Variants in CHST10 observed in about 807,000 individuals in gnomAD.
The protein encoded by CHST10 is HNK-1 sulfotransferase.
CHST10 carries 24 observed loss-of-function variants against 34.7 expected under a neutral mutation model. That is an observed-to-expected ratio of 0.69 (90% CI 0.50 to 0.97). CHST10 has a LOEUF of 0.97. Ranked by LOEUF, CHST10 falls within the 50% of genes least tolerant of loss-of-function variation. CHST10 has a pLI of 0.00. For synonymous variants in CHST10, 161 were observed against 169.3 expected (o/e 0.95, Z 0.38); for missense variants, 402 against 452.1 (o/e 0.89, Z 1.00).
intron 4 of CHST10, among the ~76,000 whole-genome samples, chr2:100,401,051 C>T (rs1675317805): frequency 6.6e-6 from 1 of 152,240 alleles, no homozygotes; most frequent in Non-Finnish European, 1.5e-5. Flanking sequence ...TGAGAAGACA[C>T]ATGCTGAGTT....
chr2:100,406,037 G>A (rs6733677), intron 3 of CHST10, among the ~76,000 whole-genome samples: 5,840 of 152,254 alleles, frequency 0.038, 363 homozygotes, highest in African/African-American at 0.13. Flanking sequence ...CCAATTTGGC[G>A]CTCTTTATCC....
intron 5 of CHST10, among the ~76,000 whole-genome samples, chr2:100,396,170 C>G (rs1675049619): frequency 6.6e-6 from 1 of 152,176 alleles, no homozygotes; most frequent in South Asian, 2.1e-4. Flanking sequence ...AGAGCAAAGA[C>G]CTTTTGATGC....
At chr2:100,403,150 T>C (rs1424943610) in intron 3 of CHST10, among the ~76,000 whole-genome samples, 1 of 152,166 alleles carries the variant, frequency 6.6e-6, no homozygotes, top group Non-Finnish European at 1.5e-5. Flanking sequence ...GACATTTCAC[T>C]GGAGAGTATC....
At chr2:100,416,974 T>C in intron 1 of CHST10, 1 of 1,304,156 alleles carries the variant, frequency 7.7e-7, no homozygotes, top group African/African-American at 1.5e-5. Context: ...TTCCCACCCC[T>C]GACTCCCCTC....
intron 2 of CHST10, among the ~76,000 whole-genome samples, chr2:100,411,255 T>C (rs1675824225): frequency 6.6e-6 from 1 of 152,024 alleles, no homozygotes; most frequent in Admixed American, 6.6e-5. Flanking sequence ...TGGCTGTGAT[T>C]ACAGGCACGC....
chr2:100,417,278 C>G, intron 1 of CHST10, 96 bp downstream of exon 1: 3 of 351,020 alleles, frequency 8.5e-6, no homozygotes, highest in South Asian at 4.3e-5. Flanking sequence ...CTCGCCAGGA[C>G]AAAACCCGCG....
chr2:100,400,103 A>G lies in CHST10; in HGVS notation c.193-1961T>C, dbSNP rs185196827. Among the ~76,000 whole-genome samples the G allele has an allele frequency of 1.1e-4, 16 of 152,350 alleles. 1 individual carries two copies. The East Asian group carries it at 2.5e-3, about 24-fold the overall frequency. On this transcript the variant is annotated intron_variant, in intron 4 of 6. Transcript: ENST00000264249. ...CCCTGATCATGGATGGCACTCAAGA[A>G]CAGCGCATCAGGAGAGAGCACCTCC...
chr2:100,415,143 T>C, intron 1 of CHST10, 32 bp from the exon 2 acceptor site: 1 of 1,177,506 alleles, frequency 8.5e-7, no homozygotes, highest in Non-Finnish European at 1.1e-6. Flanking sequence ...AAAAAAGCAT[T>C]ATTAAAAGTT....
chr2:100,404,438 T>C (rs1344329509), intron 3 of CHST10, among the ~76,000 whole-genome samples: 1 of 152,182 alleles, frequency 6.6e-6, no homozygotes, highest in Non-Finnish European at 1.5e-5. Context: ...ACCGCTGCGG[T>C]GCTCCTCTCC....
chr2:100,393,538 T>C lies in CHST10; in HGVS notation c.778A>G (p.Ile260Val). The stretch of plus-strand genomic sequence containing the variant: ...TCTACATACGTCACCCAGTGAATGA[T>C]GTGGTCCCCAAACTGAAGGTCTAGC... The part of the protein sequence containing the change: ...RWLDLQFGDH[I>V]IHWVTYVELC... The change falls in exon 7 of 7, where the codon ATC becomes GTC. Residue 260 changes from isoleucine to valine, a missense_variant. Ile to Val is a conservative substitution (Grantham distance 29, BLOSUM62 3). Coordinates refer to ENST00000264249, the MANE Select transcript of CHST10 (RefSeq NM_004854.5). The C allele has an allele frequency of 6.2e-7, 1 of 1,614,094 alleles. No homozygotes were observed. Among genetic ancestry groups the C allele is most frequent in the Non-Finnish European group, 8.5e-7 (1 of 1,180,014 alleles).
chr2:100,410,912 A>G (rs1295948192), intron 2 of CHST10, among the ~76,000 whole-genome samples: 1 of 152,182 alleles, frequency 6.6e-6, no homozygotes, highest in Non-Finnish European at 1.5e-5. Flanking sequence ...ATATACCAGT[A>G]AACAAAAAAG....
At chr2:100,399,144 C>A (rs1675217228) in intron 4 of CHST10, among the ~76,000 whole-genome samples, 1 of 151,840 alleles carries the variant, frequency 6.6e-6, no homozygotes, top group South Asian at 2.1e-4. Context: ...CGTTCTGTGG[C>A]CCAGGCTGGA....
Position 100,393,494 on chromosome 2 carries a change from C to A in CHST10, c.822G>T (p.Glu274Asp). 1 of 1,614,104 alleles carries A rather than the reference C, an allele frequency of 6.2e-7. No homozygotes were observed. Among genetic ancestry groups the A allele is most frequent in the Non-Finnish European group, 8.5e-7 (1 of 1,180,028 alleles). The change falls in exon 7 of 7, where the codon GAG becomes GAT. Residue 274 changes from glutamate (E) to aspartate (D), a missense_variant. Coordinates refer to ENST00000264249, the MANE Select transcript of CHST10 (RefSeq NM_004854.5). ...GGTGTCCAATCACACTGTACATTAT[C>A]TCACAGGGAGCACAGAGCTCTACAT... Reference protein sequence around the residue: ...VTYVELCAPCEIMYSVIGHHE... With the variant: ...VTYVELCAPCDIMYSVIGHHE...
At chr2:100,413,061 G>C (rs766569574) in intron 2 of CHST10, among the ~76,000 whole-genome samples, 82 of 152,264 alleles carry the variant, frequency 5.4e-4, no homozygotes, top group South Asian at 1.0e-3. Context: ...ATCTGAGGAT[G>C]ACACCACCAA....
intron 3 of CHST10, among the ~76,000 whole-genome samples, chr2:100,404,226 G>T (rs568410678): frequency 2.6e-5 from 4 of 152,300 alleles, no homozygotes; most frequent in African/African-American, 9.6e-5. Flanking sequence ...CACAACAGAA[G>T]ATTCTCACTG....
chr2:100,409,958 T>G (rs1675755102), intron 2 of CHST10, among the ~76,000 whole-genome samples: 1 of 152,184 alleles, frequency 6.6e-6, no homozygotes, highest in Non-Finnish European at 1.5e-5. Flanking sequence ...TTTCCCTGCT[T>G]CTTGTCCCCG....
intron 2 of CHST10, among the ~76,000 whole-genome samples, chr2:100,406,916 T>G (rs189705151): frequency 1.8e-3 from 274 of 152,338 alleles, no homozygotes; most frequent in African/African-American, 6.3e-3. Flanking sequence ...AAATCAAATT[T>G]AGAACACCCT....
intron 2 of CHST10, among the ~76,000 whole-genome samples, chr2:100,412,124 A>G (rs1675868533): frequency 6.6e-6 from 1 of 152,220 alleles, no homozygotes; most frequent in African/African-American, 2.4e-5. Flanking sequence ...CTTCAGCAGC[A>G]GAGTCAGAGG....
chr2:100,394,612 C>T lies in CHST10; in HGVS notation c.534-830G>A, dbSNP rs1201341286. Among the ~76,000 whole-genome samples the T allele has an allele frequency of 2.0e-5, 3 of 152,194 alleles. No individual in the cohort carries two copies. The East Asian group carries it at 5.8e-4, about 29-fold the overall frequency. On this transcript the variant is annotated intron_variant, in intron 6 of 6. Transcript: ENST00000264249. Reference sequence around the variant, plus strand: ...CCAGGAGGCAAAATCCAGCTGGTGACCTGACGTGAGCCGCTGCTTTTGCAT... The same window carrying T: ...CCAGGAGGCAAAATCCAGCTGGTGATCTGACGTGAGCCGCTGCTTTTGCAT...
Sources: allele counts gnomAD v4.1 joint callset (sites outside exome capture counted in the v4.1 genomes callset), GRCh38; gene constraint gnomAD v4.1.1; transcripts MANE v1.5; gene names NCBI Gene and HGNC (gene_info 2026-07-23, HGNC 2026-07-21).